The following TMCO5A variants were observed in gnomAD, a reference collection of about 807,000 sequenced individuals.
The protein encoded by TMCO5A is transmembrane and coiled-coil domains 5A.
TMCO5A carries 34 observed loss-of-function variants against 42.3 expected under a neutral mutation model. The ratio of observed to expected loss-of-function variants is 0.80; its 90% CI spans 0.61 to 1.07. The LOEUF is 1.07. TMCO5A is among the 50% of genes least tolerant of loss of function. The pLI, the probability that TMCO5A is intolerant of heterozygous loss-of-function variation, is 0.00. For missense variants in TMCO5A, 357 were observed against 327.9 expected, an observed-to-expected ratio of 1.09 and a Z score of -0.69; for synonymous variants, 131 against 115.6, an observed-to-expected ratio of 1.13 and a Z score of -0.86.
the TMCO5A span, among the ~76,000 whole-genome samples, chr15:38,001,229 A>G: frequency 6.6e-6 from 1 of 152,060 alleles, no homozygotes; most frequent in Non-Finnish European, 1.5e-5. Flanking sequence ...CTCTTGCTGC[A>G]TTGACCCCTT....
chr15:37,992,298 G>C, the TMCO5A span, among the ~76,000 whole-genome samples: 1 of 152,042 alleles, frequency 6.6e-6, no homozygotes, highest in Non-Finnish European at 1.5e-5. Flanking sequence ...ACCACAGTAA[G>C]GTACCATCTC....
chr15:38,020,657 T>C, the TMCO5A span: 1 of 152,294 alleles, frequency 6.6e-6, no homozygotes, highest in Admixed American at 6.5e-5. Context: ...GCTAATTAGC[T>C]TAATTATGGT....
chr15:38,008,039 G>A, the TMCO5A span, among the ~76,000 whole-genome samples: 1 of 151,780 alleles, frequency 6.6e-6, no homozygotes, highest in African/African-American at 2.4e-5. Flanking sequence ...GGGACTACAG[G>A]CGCCTGCCAC....
At chr15:38,028,944 C>G in the TMCO5A span, among the ~76,000 whole-genome samples, 1 of 152,080 alleles carries the variant, frequency 6.6e-6, no homozygotes, top group South Asian at 2.1e-4. Context: ...ACAAGAAAGT[C>G]AGAAAAAATC....
At chr15:37,983,905 AGTAGAGAC>A in the TMCO5A span, among the ~76,000 whole-genome samples, 2 of 151,872 alleles carry the variant, frequency 1.3e-5, no homozygotes, top group Middle Eastern at 3.4e-3. Flanking sequence ...TTGTATTTTT[AGTAGAGAC>A]GTAGAGACGG....
chr15:37,957,561 C>T (rs186019029), intron 11 of TMCO5A, among the ~76,000 whole-genome samples: 2 of 152,168 alleles, frequency 1.3e-5, no homozygotes, highest in African/African-American at 4.8e-5. Flanking sequence ...TCAAGGAGAA[C>T]TACAAACCAC....
At chr15:37,957,560 A>G (rs1356187547) in intron 11 of TMCO5A, among the ~76,000 whole-genome samples, 1 of 152,202 alleles carries the variant, frequency 6.6e-6, no homozygotes, top group Non-Finnish European at 1.5e-5. Flanking sequence ...TTCAAGGAGA[A>G]CTACAAACCA....
At chr15:37,994,898 G>C in the TMCO5A span, among the ~76,000 whole-genome samples, 1 of 152,208 alleles carries the variant, frequency 6.6e-6, no homozygotes, top group East Asian at 1.9e-4. Context: ...TCATCAAAGA[G>C]AGCAAACGTC....
intron 3 of TMCO5A, 105 bp downstream of exon 3, chr15:37,936,568 G>A (rs1405785483): frequency 4.4e-6 from 6 of 1,377,974 alleles, no homozygotes; most frequent in Non-Finnish European, 5.9e-6. Flanking sequence ...TCTACCTTGT[G>A]TGGCAAAAAG....
the TMCO5A span, among the ~76,000 whole-genome samples, chr15:38,003,407 T>G: frequency 0.014 from 2,133 of 152,168 alleles, 57 homozygotes; most frequent in African/African-American, 0.049. Context: ...TCACCTATGT[T>G]CATCAAGGCC....
intron 11 of TMCO5A, among the ~76,000 whole-genome samples, chr15:37,961,580 A>ATGG (rs149856387): frequency 0.23 from 34,230 of 150,554 alleles, 4,065 homozygotes; most frequent in Admixed American, 0.3. Context: ...GTGAAGAATG[A>ATGG]TGGTATTTTG....
At chr15:38,017,828 G>T in the TMCO5A span, among the ~76,000 whole-genome samples, 1 of 152,150 alleles carries the variant, frequency 6.6e-6, no homozygotes, top group Non-Finnish European at 1.5e-5. Flanking sequence ...TGGGGGCAGG[G>T]CCTGGCGAGA....
downstream of TMCO5A, among the ~76,000 whole-genome samples, chr15:37,970,429 C>T (rs1414360842): frequency 2.0e-5 from 3 of 152,182 alleles, no homozygotes; most frequent in Admixed American, 6.5e-5. Flanking sequence ...TCCCACAATA[C>T]GTGGGAATTC....
At chr15:37,962,689 A>G (rs1172021191) in intron 11 of TMCO5A, among the ~76,000 whole-genome samples, 1 of 151,946 alleles carries the variant, frequency 6.6e-6, no homozygotes, top group African/African-American at 2.4e-5. Flanking sequence ...GTGTGTTGGT[A>G]ATTTTCAAAT....
chr15:38,025,287 T>C, the TMCO5A span, among the ~76,000 whole-genome samples: 10 of 152,134 alleles, frequency 6.6e-5, no homozygotes, highest in Non-Finnish European at 1.5e-4. Flanking sequence ...ACCCCTTTCA[T>C]GGTCTTTTGG....
downstream of TMCO5A, among the ~76,000 whole-genome samples, chr15:37,970,483 G>T (rs1890652714): frequency 1.3e-5 from 2 of 152,142 alleles, no homozygotes; most frequent in Non-Finnish European, 2.9e-5. Context: ...ATATCATTCT[G>T]CCTCTGGCCC....
chr15:37,979,685 G>A, the TMCO5A span, among the ~76,000 whole-genome samples: 2 of 151,804 alleles, frequency 1.3e-5, no homozygotes, highest in East Asian at 3.9e-4. Flanking sequence ...GTGGAGGGCT[G>A]CATTAGTCCT....
downstream of TMCO5A, among the ~76,000 whole-genome samples, chr15:37,971,887 C>T (rs1890680025): frequency 6.6e-6 from 1 of 152,190 alleles, no homozygotes; most frequent in South Asian, 2.1e-4. Context: ...TTGGTCAATG[C>T]CATTTAACAA....
chr15:37,952,773 G>A (rs958238168), downstream of TMCO5A, among the ~76,000 whole-genome samples: 4 of 152,174 alleles, frequency 2.6e-5, no homozygotes, highest in Non-Finnish European at 4.4e-5. Context: ...CCCAATTTCA[G>A]GACTTGGCTC....
Sources: allele counts gnomAD v4.1 joint callset (sites outside exome capture counted in the v4.1 genomes callset), GRCh38; gene constraint gnomAD v4.1.1; transcripts MANE v1.5; gene names NCBI Gene and HGNC (gene_info 2026-07-23, HGNC 2026-07-21).